The following CCDC188 variants were observed in gnomAD, a reference collection of about 807,000 sequenced individuals.
CCDC188 encodes the protein coiled-coil domain containing 188, also known as coiled-coil domain-containing protein 188.
A neutral mutation model predicts 50.7 loss-of-function variants in CCDC188; 37 were observed. That is an observed-to-expected ratio of 0.73 (90% CI 0.56 to 0.96). CCDC188 has a LOEUF of 0.96. Ranked by LOEUF, CCDC188 falls within the 40% of genes least tolerant of loss-of-function variation. CCDC188 has a pLI of 0.00. For synonymous variants in CCDC188, 208 were observed against 228.0 expected (o/e 0.91, Z 0.79); for missense variants, 453 against 512.9 (o/e 0.88, Z 1.13).
At position 20,149,327 on chromosome 22, in the gene CCDC188, G is replaced by GA. The variant is rs1331919403; in HGVS notation, c.914+84_915-83insT. 2.6e-6 allele frequency: 4 copies of GA among 1,545,796 alleles called. No individual in the cohort carries two copies. The African/African-American group carries it at 5.5e-5, about 21-fold the overall frequency. ...CCCTGGCTCGGTGCTGTGGAGGTGG[G>GA]GGGTCAAGGATGGGTCTGCCCTGTC... is the stretch of plus-strand genomic sequence containing the variant. On this transcript the variant is annotated intron_variant, in intron 6 of 8. Transcript: ENST00000439765.
At position 20,150,530 on chromosome 22, in the gene CCDC188, A is replaced by C; in HGVS notation, c.457T>G (p.Cys153Gly). Residue 153 changes from cysteine (C) to glycine (G), a missense_variant, in exon 1 of 9, where the codon TGC becomes GGC. By Grantham distance (159) the Cys-to-Gly change is radical. Transcript: ENST00000439765. Reference protein sequence around the residue: ...SPRVALSQLQCGLLGSAEQSF... With the variant: ...SPRVALSQLQGGLLGSAEQSF... Reference sequence around the variant, plus strand: ...TGTTCTGCAGAGCCCAGCAGCCCGCACTGAAGCTGGGACAGGGCTACCCTG... The same window carrying C: ...TGTTCTGCAGAGCCCAGCAGCCCGCCCTGAAGCTGGGACAGGGCTACCCTG... 3 of 1,549,332 alleles carry C rather than the reference A, an allele frequency of 1.9e-6. No homozygotes were observed. Among genetic ancestry groups the C allele is most frequent in the Non-Finnish European group, 2.6e-6 (3 of 1,146,574 alleles).
chr22:20,148,618 A>G lies in CCDC188; in HGVS notation c.1205T>C (p.Phe402Ser). The G allele has an allele frequency of 6.5e-7, 1 of 1,542,538 alleles. No homozygotes were observed. The highest frequency in any genetic ancestry group is 8.7e-7 in the Non-Finnish European group (1 of 1,144,080). The change falls in exon 9 of 9, where the codon TTC (phenylalanine) becomes TCC (serine). Residue 402 changes from phenylalanine to serine, a missense_variant. Physicochemically the swap from Phe to Ser is radical, Grantham distance 155 (BLOSUM62 -2). Transcript: ENST00000439765. ...LRLKVDGFLP[F>S] ...TGGGGCCGCTGGGCCTCTGGCCTAG[A>G]AGGGCAGGAAGCCGTCCACTTTGAG...
chr22:20,149,582 A>G lies in CCDC188; in HGVS notation c.848T>C (p.Leu283Pro), dbSNP rs2050581518. ...MALNNQATGL[L>P]NLKKDIRGVL... Reference sequence around the variant, plus strand: ...GGGTGCTGCCCTGTGGGGACCTACCAGGAGCCCGGTGGCCTGGTTGTTCAG... The same window carrying G: ...GGGTGCTGCCCTGTGGGGACCTACCGGGAGCCCGGTGGCCTGGTTGTTCAG... Residue 283 changes from leucine (L) to proline (P), a missense_variant and splice_region_variant, in exon 5 of 9, where the codon CTG becomes CCG. Coordinates refer to ENST00000439765, the MANE Select transcript of CCDC188 (RefSeq NM_001365892.2). The G allele has an allele frequency of 6.5e-7, 1 of 1,550,044 alleles. No individual in the cohort carries two copies. The highest frequency in any genetic ancestry group is 8.7e-7 in the Non-Finnish European group (1 of 1,146,914).
intron 6 of CCDC188, 64 bp downstream of exon 6, chr22:20,149,348 C>G: frequency 6.5e-7 from 1 of 1,546,270 alleles, no homozygotes; most frequent in Non-Finnish European, 8.7e-7. Context: ...TGGGTCTGCC[C>G]TGTCCTGACC....
At chr22:20,149,814 A>G (rs2050589685) in intron 3 of CCDC188, 34 bp from the exon 4 acceptor site, 1 of 1,488,322 alleles carries the variant, frequency 6.7e-7, no homozygotes, top group Non-Finnish European at 9.0e-7. Flanking sequence ...CTTGGGCAGC[A>G]TCAGCAGGGT....
In CCDC188 at chr22:20,148,502, C is replaced by G. The variant is rs1665138071; in HGVS notation, c.*112G>C. 1 of 1,391,574 alleles carries G rather than the reference C, an allele frequency of 7.2e-7. No individual in the cohort carries two copies. The highest frequency in any genetic ancestry group is 9.3e-7 in the Non-Finnish European group (1 of 1,075,466). 86.2% of individuals were successfully genotyped at this position (1,391,574 alleles called of 1,614,324 possible). ...CCACCTCCACCCTTCTCTGCAGCTT[C>G]TGGCAAGGATGGTGCACAGTGGTGC... is the stretch of plus-strand genomic sequence containing the variant. On this transcript the variant is annotated 3_prime_UTR_variant, in exon 9 of 9. Coordinates refer to ENST00000439765, the MANE Select transcript of CCDC188 (RefSeq NM_001365892.2).
intron 7 of CCDC188, 41 bp from the exon 8 acceptor site, chr22:20,148,965 C>A (rs964118072): frequency 2.8e-6 from 4 of 1,452,956 alleles, no homozygotes; most frequent in Admixed American, 5.5e-5. Flanking sequence ...CCCGAGTGTC[C>A]AGGCTGAGGG....
chr22:20,149,191 A>G lies in CCDC188; in HGVS notation c.968T>C (p.Met323Thr), dbSNP rs1382765689. The G allele has an allele frequency of 1.4e-6, 2 of 1,467,546 alleles. No individual in the cohort carries two copies. Among genetic ancestry groups the G allele is most frequent in the Admixed American group, 2.5e-5 (1 of 39,458 alleles). The allele number at this position is 1,467,546 out of a possible 1,614,324, so 90.9% of individuals were successfully genotyped here. A position where few individuals can be genotyped will look rare whatever the true frequency, so the allele number is the denominator to read the frequency against. ...AGTGGGGCGTGGGGGGCTCACCGAC[A>G]TGCTTGCCATCTGCTTCTCCTTCCT... ...RARKEKQMAS[M>T]SKGRPKLGSS... Residue 323 changes from methionine to threonine, a missense_variant, in exon 7 of 9, where the codon ATG (methionine) becomes ACG (threonine). Coordinates refer to ENST00000439765, the MANE Select transcript of CCDC188 (RefSeq NM_001365892.2).
chr22:20,150,083 C>T (rs2050597437), intron 2 of CCDC188, 24 bp from the exon 3 acceptor site: 2 of 1,543,388 alleles, frequency 1.3e-6, no homozygotes, highest in East Asian at 4.9e-5. Context: ...CCCAGATCAG[C>T]CCTAAGACTG....
Position 20,148,430 on chromosome 22 carries a change from T to C in CCDC188, c.*184A>G, listed in dbSNP as rs889767560. The stretch of plus-strand genomic sequence containing the variant: ...CAGAGACGTGCTCACCGGCCACTTA[T>C]GTCATGATTCTATGTCCAGCCACAG... On this transcript the variant is annotated 3_prime_UTR_variant, in exon 9 of 9. Transcript: ENST00000439765. The C allele has an allele frequency of 1.6e-5, 21 of 1,289,078 alleles. No homozygotes were observed. The East Asian group carries it at 4.7e-4, about 29-fold the overall frequency. The allele number at this position is 1,289,078 out of a possible 1,614,324, so 79.9% of individuals were successfully genotyped here.
In CCDC188 at chr22:20,150,214, C is replaced by T; in HGVS notation, c.556G>A (p.Ala186Thr). 4 of 1,548,540 alleles carry T rather than the reference C, an allele frequency of 2.6e-6. No individual in the cohort carries two copies. The highest frequency in any genetic ancestry group is 3.5e-6 in the Non-Finnish European group (4 of 1,145,994). The change falls in exon 2 of 9, where the codon GCC (alanine) becomes ACC (threonine). Residue 186 changes from alanine (A) to threonine (T), a missense_variant. Transcript: ENST00000439765. ...AACTGCTGCCCCGGCCCCAGGAGGG[C>T]CCCCAGCTGCTCCCGAAGTTCCTGA... is the stretch of plus-strand genomic sequence containing the variant. ...QNQELREQLGALLGPGQQFLP... is the reference protein window; with the variant it reads ...QNQELREQLGTLLGPGQQFLP...
intron 7 of CCDC188, 96 bp from the exon 8 acceptor site, chr22:20,149,020 C>T (rs573228493): frequency 1.3e-4 from 172 of 1,341,446 alleles, no homozygotes; most frequent in Admixed American, 9.3e-4. Flanking sequence ...CAGGGCTCCC[C>T]GCACCGCAGC....
chr22:20,148,540 G>A lies in CCDC188; in HGVS notation c.*74C>T. On this transcript the variant is annotated 3_prime_UTR_variant, in exon 9 of 9. Transcript: ENST00000439765. ...TGCACAGTGGTGCCATGTGCAGGGGGCTGGCACGGCCACTGGGCATCCGGG... is the reference window on the plus strand; with the variant it reads ...TGCACAGTGGTGCCATGTGCAGGGGACTGGCACGGCCACTGGGCATCCGGG... The A allele has an allele frequency of 6.9e-7, 1 of 1,455,924 alleles. No homozygotes were observed. Among genetic ancestry groups the A allele is most frequent in the Non-Finnish European group, 9.0e-7 (1 of 1,105,232 alleles). 90.2% of individuals were successfully genotyped at this position (1,455,924 alleles called of 1,614,324 possible). A position where few individuals can be genotyped will look rare whatever the true frequency, so the allele number is the denominator to read the frequency against.
Position 20,150,245 on chromosome 22 carries a change from C to T in CCDC188, c.525G>A (p.Arg175=), listed in dbSNP as rs948901903. ...GCTGCTCCCGAAGTTCCTGATTCTGCCTTTTCTGGGGTGGGGGGCAGAGAG... is the reference window on the plus strand; with the variant it reads ...GCTGCTCCCGAAGTTCCTGATTCTGTCTTTTCTGGGGTGGGGGGCAGAGAG... ...QLEQENHSLK[R]QNQELREQLG... is the part of the protein sequence containing the mutation. The change falls in exon 2 of 9, where the codon AGG becomes AGA. Residue 175 remains arginine, a synonymous_variant. Coordinates refer to ENST00000439765, the MANE Select transcript of CCDC188 (RefSeq NM_001365892.2). 1.9e-6 allele frequency: 3 copies of T among 1,546,266 alleles called. No individual in the cohort carries two copies. The African/African-American group carries it at 4.1e-5, about 21-fold the overall frequency.
Position 20,148,923 on chromosome 22 carries a change from TTC to T in CCDC188, c.973-1_973del, listed in dbSNP as rs903517120. ...GGAGCTTCCCAGCTTTGGCCTCCCT[TTC>T]TGTCGGGGAGGGGCTGGATCAGAGC... On this transcript the variant is annotated splice_acceptor_variant and coding_sequence_variant, in exon 8 of 9. Coordinates refer to ENST00000439765, the MANE Select transcript of CCDC188 (RefSeq NM_001365892.2). LOFTEE classifies it high-confidence loss of function. 1.3e-6 allele frequency: 2 copies of T among 1,509,316 alleles called. No homozygotes were observed. The highest frequency in any genetic ancestry group is 1.8e-6 in the Non-Finnish European group (2 of 1,126,350). The allele number at this position is 1,509,316 out of a possible 1,614,324, so 93.5% of individuals were successfully genotyped here.
rs988902383 is a variant in CCDC188 at position 20,150,794 on chromosome 22, C to T, written c.193G>A (p.Gly65Ser). ...QRPFPVPGAG[G>S]SGPTVEGEAP... ...TCGCCCTCCACTGTGGGCCCACTGCCCCCTGCCCCTGGGACTGGGAAAGGT... is the reference window on the plus strand; with the variant it reads ...TCGCCCTCCACTGTGGGCCCACTGCTCCCTGCCCCTGGGACTGGGAAAGGT... Residue 65 changes from glycine (G) to serine (S), a missense_variant, in exon 1 of 9, where the codon GGC becomes AGC. Transcript: ENST00000439765. 5.8e-6 allele frequency: 9 copies of T among 1,549,596 alleles called. No individual in the cohort carries two copies. In the African/African-American group the frequency reaches 9.6e-5, roughly 17 times the overall value.
rs904566530 is a variant in CCDC188 at position 20,150,029 on chromosome 22, C to A, written c.658G>T (p.Gly220Trp). The change falls in exon 3 of 9, where the codon GGG (glycine) becomes TGG (tryptophan). Residue 220 changes from glycine to tryptophan, a missense_variant. Transcript: ENST00000439765. The part of the protein sequence containing the change: ...PPDPAGTQPL[G>W]NRAPLQLLRR... Reference sequence around the variant, plus strand: ...AGCAGCTGCAGAGGTGCCCTGTTCCCCAAGGGCTGCGTGCCAGCCGGGTCG... The same window carrying A: ...AGCAGCTGCAGAGGTGCCCTGTTCCACAAGGGCTGCGTGCCAGCCGGGTCG... 1 of 1,548,212 alleles carries A rather than the reference C, an allele frequency of 6.5e-7. No individual in the cohort carries two copies.
At chr22:20,150,440 G>T (rs1411402612) in intron 1 of CCDC188, 28 bp downstream of exon 1, 1 of 1,517,480 alleles carries the variant, frequency 6.6e-7, no homozygotes, top group African/African-American at 1.4e-5. Context: ...GCTGGGGCTG[G>T]GGCTGGGGCG....
chr22:20,150,941 G>A lies in CCDC188; in HGVS notation c.46C>T (p.Gln16Ter). ...TLGPCGHPHP[Q>*]CPPTPASSSH... ...CTGGAGGCTGGGGTTGGGGGACACTGGGGGTGGGGGTGGCCGCAGGGGCCC... is the reference window on the plus strand; with the variant it reads ...CTGGAGGCTGGGGTTGGGGGACACTAGGGGTGGGGGTGGCCGCAGGGGCCC... Residue 16 changes from glutamine to a stop codon, truncating the protein, a stop_gained, in exon 1 of 9, where the codon CAG (glutamine) becomes TAG (stop). Coordinates refer to ENST00000439765, the MANE Select transcript of CCDC188 (RefSeq NM_001365892.2). LOFTEE classifies it high-confidence loss of function. 1 of 1,409,572 alleles carries A rather than the reference G, an allele frequency of 7.1e-7. No individual in the cohort carries two copies. Among genetic ancestry groups the A allele is most frequent in the Non-Finnish European group, 9.3e-7 (1 of 1,074,222 alleles). The allele number at this position is 1,409,572 out of a possible 1,614,324, so 87.3% of individuals were successfully genotyped here.
Sources: allele counts gnomAD v4.1 joint callset, GRCh38; gene constraint gnomAD v4.1.1; transcripts MANE v1.5; gene names NCBI Gene and HGNC (gene_info 2026-07-23, HGNC 2026-07-21).